Variants in CAMKK1 observed in about 807,000 individuals in gnomAD.
CAMKK1 encodes calcium/calmodulin dependent protein kinase kinase 1.
CAMKK1 carries 20 observed loss-of-function variants against 63.5 expected under a neutral mutation model. The ratio of observed to expected loss-of-function variants is 0.32; its 90% confidence interval spans 0.22 to 0.46. The LOEUF (loss-of-function observed/expected upper bound fraction) is 0.46, where lower values mean the gene tolerates loss of function less well. Among genes scored for constraint, CAMKK1 ranks in the 20% least tolerant of loss-of-function variants. The pLI is 1.00. For synonymous variants in CAMKK1, 253 were observed against 269.0 expected (o/e 0.94, Z 0.58); for missense variants, 588 against 658.1 (o/e 0.89, Z 1.17).
chr17:3,890,199 G>A lies in CAMKK1; in HGVS notation c.-44+2740C>T, dbSNP rs1016713463. On this transcript the variant is annotated intron_variant, in intron 1 of 15. Coordinates refer to ENST00000348335, the MANE Select transcript of CAMKK1 (RefSeq NM_032294.3). The surrounding 1 kb of genome is among the most constrained non-coding windows in gnomAD (Gnocchi z 6.5). Reference sequence around the variant, plus strand: ...GCAACGGGTGCCCTCCGCAGCTCCCGCCCCCACCCGGGATGACTCAGTCCC... The same window carrying A: ...GCAACGGGTGCCCTCCGCAGCTCCCACCCCCACCCGGGATGACTCAGTCCC... Among the ~76,000 whole-genome samples the A allele has an allele frequency of 1.2e-4, 19 of 152,096 alleles. No homozygotes were observed. Among genetic ancestry groups the A allele is most frequent in the Non-Finnish European group, 1.9e-4 (13 of 67,998 alleles).
intron 1 of CAMKK1, among the ~76,000 whole-genome samples, chr17:3,886,015 TCAGGACAGA>T (rs2055635170): frequency 6.6e-6 from 1 of 152,180 alleles, no homozygotes; most frequent in African/African-American, 2.4e-5. Context: ...TATTCTGGAA[TCAGGACAGA>T]CAGGGCAGAA....
intron 14 of CAMKK1, among the ~76,000 whole-genome samples, chr17:3,868,776 C>G (rs1292024013): frequency 6.6e-6 from 1 of 151,918 alleles, no homozygotes; most frequent in East Asian, 1.9e-4. Flanking sequence ...CCTCGGCCTC[C>G]CCAGTAGCTG....
At chr17:3,880,209 A>C in intron 9 of CAMKK1, 137 bp downstream of exon 9, 5 of 681,660 alleles carry the variant, frequency 7.3e-6, no homozygotes, top group Non-Finnish European at 7.5e-6. Flanking sequence ...CCACACGTGC[A>C]TGCCCCACTC....
Position 3,861,785 on chromosome 17 carries a change from T to C in CAMKK1, c.*426A>G. On this transcript the variant is annotated 3_prime_UTR_variant, in exon 16 of 16. Transcript: ENST00000348335. ...GGTACCCCCCTCTCCACCATATGCCTGTGGCAGCTGAGCCAGGCCTGCCCG... is the reference window on the plus strand; with the variant it reads ...GGTACCCCCCTCTCCACCATATGCCCGTGGCAGCTGAGCCAGGCCTGCCCG... 1 of 220,090 alleles carries C rather than the reference T, an allele frequency of 4.5e-6. No homozygotes were observed. Among genetic ancestry groups the C allele is most frequent in the Non-Finnish European group, 9.3e-6 (1 of 107,552 alleles). 13.6% of individuals were successfully genotyped at this position (220,090 alleles called of 1,614,324 possible). A position where few individuals can be genotyped will look rare whatever the true frequency, so the allele number is the denominator to read the frequency against.
chr17:3,869,403 TC>T (rs1380210756), intron 14 of CAMKK1, 83 bp downstream of exon 14: 3 of 1,562,132 alleles, frequency 1.9e-6, no homozygotes, highest in Middle Eastern at 1.7e-4. Flanking sequence ...CAGGCCTCTG[TC>T]CCCCCAAGGA....
rs990182153 is a variant in CAMKK1 at position 3,882,190 on chromosome 17, A to T, written c.685+338T>A. ...GACACCACTAGTATCCCTGTTTTATAGGTGGGAAAACTGAGGCACAGAGCT... is the reference window on the plus strand; with the variant it reads ...GACACCACTAGTATCCCTGTTTTATTGGTGGGAAAACTGAGGCACAGAGCT... On this transcript the variant is annotated intron_variant, in intron 7 of 15. Transcript: ENST00000348335. This position sits in a 1 kb window ranked among gnomAD's most constrained non-coding sequence, Gnocchi z 4.3. 7 of 1,108,332 alleles carry T rather than the reference A, an allele frequency of 6.3e-6. No individual in the cohort carries two copies. The African/African-American group carries it at 1.1e-4, about 17-fold the overall frequency. 68.7% of individuals were successfully genotyped at this position (1,108,332 alleles called of 1,614,324 possible).
chr17:3,862,169 G>A lies in CAMKK1; in HGVS notation c.*42C>T. ...TGAGGGGTGGGCCTCTGGAGGCGCGGGATGAGTGTGCTGCCGGGTGGCCCT... is the reference window on the plus strand; with the variant it reads ...TGAGGGGTGGGCCTCTGGAGGCGCGAGATGAGTGTGCTGCCGGGTGGCCCT... On this transcript the variant is annotated 3_prime_UTR_variant, in exon 16 of 16. Coordinates refer to ENST00000348335, the MANE Select transcript of CAMKK1 (RefSeq NM_032294.3). The surrounding 1 kb of genome is among the most constrained non-coding windows in gnomAD (Gnocchi z 4.1). The A allele has an allele frequency of 1.3e-6, 2 of 1,530,278 alleles. No homozygotes were observed. The highest frequency in any genetic ancestry group is 8.9e-7 in the Non-Finnish European group (1 of 1,129,224). 94.8% of individuals were successfully genotyped at this position (1,530,278 alleles called of 1,614,324 possible).
At chr17:3,881,681 T>C (rs2143867648) in intron 7 of CAMKK1, 33 bp from the exon 8 acceptor site, 1 of 1,558,412 alleles carries the variant, frequency 6.4e-7, no homozygotes, top group Non-Finnish European at 8.7e-7. Context: ...AAGGTGTAGC[T>C]GGCTGGCAAA....
At chr17:3,872,825 T>A (rs2054951843) in intron 11 of CAMKK1, among the ~76,000 whole-genome samples, 198 bp from the exon 12 acceptor site, 1 of 152,194 alleles carries the variant, frequency 6.6e-6, no homozygotes, top group African/African-American at 2.4e-5. Context: ...ACAATGAGGC[T>A]GGGTGCATCC....
intron 12 of CAMKK1, 35 bp downstream of exon 12, chr17:3,872,518 TG>T: frequency 1.5e-5 from 23 of 1,563,948 alleles, no homozygotes; most frequent in Non-Finnish European, 2.0e-5. Flanking sequence ...CAGGAGCGGG[TG>T]GTAGCCCCCT....
At chr17:3,871,131 A>C (rs2143814193) in intron 12 of CAMKK1, among the ~76,000 whole-genome samples, 1 of 152,154 alleles carries the variant, frequency 6.6e-6, no homozygotes, top group East Asian at 1.9e-4. Context: ...CAGCAGCGAG[A>C]CCAGGGGGAA....
In CAMKK1 at chr17:3,885,365, G is replaced by A; in HGVS notation, c.323C>T (p.Thr108Ile). ...GATGGCCACGTGGTGGGACTCGATG[G>A]TGGGCCTCCGCCAGGCCCGGGGGGA... Reference protein sequence around the residue: ...HISPRAWRRPTIESHHVAISD... With the variant: ...HISPRAWRRPIIESHHVAISD... Residue 108 changes from threonine to isoleucine, a missense_variant, in exon 2 of 16, where the codon ACC becomes ATC. Thr to Ile is a moderately conservative substitution (Grantham distance 89, BLOSUM62 -1). This residue lies in a region of CAMKK1 where 357 missense variants were observed against 407.4 expected (regional missense o/e 0.88). Coordinates refer to ENST00000348335, the MANE Select transcript of CAMKK1 (RefSeq NM_032294.3). 6.2e-7 allele frequency: 1 copy of A among 1,607,042 alleles called. No individual in the cohort carries two copies. Among genetic ancestry groups the A allele is most frequent in the Non-Finnish European group, 8.5e-7 (1 of 1,176,000 alleles).
At chr17:3,886,845 T>C (rs2055675467) in intron 1 of CAMKK1, among the ~76,000 whole-genome samples, 2 of 152,018 alleles carry the variant, frequency 1.3e-5, no homozygotes, top group African/African-American at 4.8e-5. Flanking sequence ...GTCCCAGGCT[T>C]GTAGAGCGCT....
At chr17:3,870,326 C>T (rs1004007013) in intron 12 of CAMKK1, among the ~76,000 whole-genome samples, 1 of 151,796 alleles carries the variant, frequency 6.6e-6, no homozygotes, top group Non-Finnish European at 1.5e-5. Flanking sequence ...GCAGCCCCCT[C>T]AGCGCCACAT....
intron 8 of CAMKK1, among the ~76,000 whole-genome samples, chr17:3,880,853 T>C (rs2055380795): frequency 6.6e-6 from 1 of 152,040 alleles, no homozygotes; most frequent in Non-Finnish European, 1.5e-5. Flanking sequence ...TATATGCTGC[T>C]TTGTAAAATT....
rs181127953 is a variant in CAMKK1, at chr17:3,880,746, G to A, written c.708-312C>T. Reference sequence around the variant, plus strand: ...TTTCAAACCGTGGATCCAGACCCAAGAGAGGATCATGAAATCAATTTAGTG... The same window carrying A: ...TTTCAAACCGTGGATCCAGACCCAAAAGAGGATCATGAAATCAATTTAGTG... On this transcript the variant is annotated intron_variant, in intron 8 of 15. Transcript: ENST00000348335. 2.1e-3 allele frequency among the ~76,000 whole-genome samples: 316 copies of A among 150,320 alleles called. 2 individuals carry two copies. Among genetic ancestry groups the A allele is most frequent in the African/African-American group, 7.3e-3 (298 of 40,928 alleles).
intron 1 of CAMKK1, among the ~76,000 whole-genome samples, chr17:3,886,170 T>C (rs1489575803): frequency 6.6e-6 from 1 of 152,202 alleles, no homozygotes; most frequent in Non-Finnish European, 1.5e-5. Flanking sequence ...GAAGCTGAGC[T>C]AGACACTAGT....
Position 3,870,582 on chromosome 17 carries a change from A to G in CAMKK1, c.1125-694T>C, listed in dbSNP as rs374744805. ...GGGTTTCACCGTGTTAGCCAGGATG[A>G]TCTCGATCTCCTGATCTCATGATCC... On this transcript the variant is annotated intron_variant, in intron 12 of 15. Coordinates refer to ENST00000348335, the MANE Select transcript of CAMKK1 (RefSeq NM_032294.3). Among the ~76,000 whole-genome samples, 864 of 151,862 alleles carry G rather than the reference A, an allele frequency of 5.7e-3. 5 individuals are homozygous for G. Among genetic ancestry groups the G allele is most frequent in the East Asian group, 0.012 (61 of 5,128 alleles).
chr17:3,872,856 CGGCCA>C (rs2054954582), intron 11 of CAMKK1, among the ~76,000 whole-genome samples: 1 of 152,184 alleles, frequency 6.6e-6, no homozygotes, highest in African/African-American at 2.4e-5. Flanking sequence ...CTGCCACCCG[CGGCCA>C]GGCCAGGCCA....
Sources: gnomAD v4.1 joint callset for allele counts (sites outside exome capture counted in the v4.1 genomes callset) on GRCh38, gnomAD v4.1.1 for gene constraint, gnomAD v4.1.1 regional missense constraint, Gnocchi (gnomAD v3.1) non-coding constraint, MANE v1.5 for transcripts, NCBI Gene and HGNC (gene_info 2026-07-23, HGNC 2026-07-21) for gene names.